SEMA6A: variants seen among roughly 807,000 people sequenced by gnomAD.
SEMA6A encodes the protein semaphorin 6A, also known as semaphorin-6A.
SEMA6A carries 25 observed loss-of-function variants against 96.8 expected under a neutral mutation model. The ratio of observed to expected loss-of-function variants is 0.26; its 90% CI spans 0.19 to 0.36. The LOEUF (loss-of-function observed/expected upper bound fraction) is 0.36. Ranked by LOEUF, SEMA6A falls within the 10% of genes least tolerant of loss-of-function variation. The pLI, the probability that SEMA6A is intolerant of heterozygous loss-of-function variation, is 1.00. For synonymous variants in SEMA6A, 612 were observed against 518.0 expected (o/e 1.18, Z -2.46); for missense variants, 1,363 against 1,323.1 (o/e 1.03, Z -0.47).
intron 1 of SEMA6A, among the ~76,000 whole-genome samples, chr5:116,565,525 T>C: frequency 6.6e-6 from 1 of 152,238 alleles, no homozygotes; most frequent in East Asian, 1.9e-4. Context: ...AGTATTCTTA[T>C]AAAAATCAAC....
At chr5:116,519,665 A>G (rs1357623064) in intron 1 of SEMA6A, among the ~76,000 whole-genome samples, 1 of 64,476 alleles carries the variant, frequency 1.6e-5, no homozygotes, top group Non-Finnish European at 2.9e-5. Context: ...TGCTGTGTGT[A>G]CACACACACA....
intron 9 of SEMA6A, among the ~76,000 whole-genome samples, chr5:116,487,859 G>C (rs974892527): frequency 6.6e-6 from 1 of 151,964 alleles, no homozygotes; most frequent in Non-Finnish European, 1.5e-5. Flanking sequence ...GTAAGACTCC[G>C]TCTCAAAAAG....
intron 3 of SEMA6A, among the ~76,000 whole-genome samples, chr5:116,501,699 C>G (rs754758964): frequency 1.6e-4 from 24 of 152,122 alleles, no homozygotes; most frequent in Admixed American, 2.6e-4. Context: ...ACCAGCCTGA[C>G]CAACATAGTG....
At chr5:116,536,407 A>C (rs1356023515) in intron 1 of SEMA6A, 1 of 152,156 alleles carries the variant, frequency 6.6e-6, no homozygotes, top group African/African-American at 2.4e-5. Context: ...AGAAAGAGAC[A>C]TTGTCCTGGG....
intron 17 of SEMA6A, chr5:116,471,190 G>C (rs968425815): frequency 1.3e-5 from 2 of 152,174 alleles, no homozygotes; most frequent in African/African-American, 4.8e-5. Flanking sequence ...CTCTTCTTTA[G>C]TTGCCTCAAG....
chr5:116,484,410 C>A (rs1756939280), intron 10 of SEMA6A, among the ~76,000 whole-genome samples: 1 of 152,048 alleles, frequency 6.6e-6, no homozygotes, highest in Admixed American at 6.5e-5. Flanking sequence ...TCCGTTCATT[C>A]AACATATGTT....
Position 116,447,422 on chromosome 5 carries a change from G to C in SEMA6A, c.2284C>G (p.Pro762Ala). 6.2e-7 allele frequency: 1 copy of C among 1,614,080 alleles called. No homozygotes were observed. ...GGCTTCCGCTTCTGCTGCAGCGTTG[G>C]GGTTGACTCTGGGGTGGGGAGGGCC... ...LTALPTPESTPTLQQKRKPSR... is the reference protein window; with the variant it reads ...LTALPTPESTATLQQKRKPSR... Residue 762 changes from proline (P) to alanine (A), a missense_variant, in exon 19 of 19, where the codon CCA becomes GCA. Physicochemically the swap from Pro to Ala is conservative, Grantham distance 27 (BLOSUM62 -1). Around this residue, in one of 2 missense-constraint regions of SEMA6A, gnomAD observed 883 missense variants for 763.6 expected, o/e 1.16. Transcript: ENST00000343348.
At chr5:116,535,116 G>A (rs1759651981) in intron 1 of SEMA6A, among the ~76,000 whole-genome samples, 1 of 152,222 alleles carries the variant, frequency 6.6e-6, no homozygotes, top group South Asian at 2.1e-4. Flanking sequence ...CCTGAAGGAA[G>A]GAAGGAGGGC....
intron 16 of SEMA6A, among the ~76,000 whole-genome samples, chr5:116,474,654 C>G (rs1756361516): frequency 6.6e-6 from 1 of 152,140 alleles, no homozygotes; most frequent in Non-Finnish European, 1.5e-5. Context: ...AATTTCAGTA[C>G]TTATGACTGA....
At chr5:116,497,268 C>T in intron 4 of SEMA6A, 59 bp downstream of exon 4, 1 of 1,013,642 alleles carries the variant, frequency 9.9e-7, no homozygotes, top group Non-Finnish European at 1.5e-6. Context: ...AATACATATT[C>T]TGTTCAAGAA....
chr5:116,557,439 C>T (rs145586738), intron 1 of SEMA6A, among the ~76,000 whole-genome samples: 1,694 of 152,318 alleles, frequency 0.011, 13 homozygotes, highest in Non-Finnish European at 0.018. Flanking sequence ...CTCAAACTCC[C>T]GGCCTCAAGC....
chr5:116,483,674 A>T (rs1329211848), intron 10 of SEMA6A, among the ~76,000 whole-genome samples: 1 of 152,250 alleles, frequency 6.6e-6, no homozygotes, highest in Admixed American at 6.5e-5. Flanking sequence ...AATAGGGAGA[A>T]GCTTAAAATG....
chr5:116,485,129 A>C (rs1756991036), intron 10 of SEMA6A, among the ~76,000 whole-genome samples: 1 of 152,222 alleles, frequency 6.6e-6, no homozygotes. Context: ...AGATTACCAA[A>C]CAAATATGAT....
At chr5:116,509,740 G>A (rs1277830006) in intron 1 of SEMA6A, among the ~76,000 whole-genome samples, 5 of 152,080 alleles carry the variant, frequency 3.3e-5, no homozygotes. Flanking sequence ...GGAATAAGGG[G>A]ACCCAGGCTG....
At chr5:116,549,429 G>A (rs1319039017) in intron 1 of SEMA6A, among the ~76,000 whole-genome samples, 1 of 152,124 alleles carries the variant, frequency 6.6e-6, no homozygotes, top group Admixed American at 6.5e-5. Flanking sequence ...GATTTGGAAG[G>A]GGAAACAAGA....
chr5:116,467,898 GT>G, intron 17 of SEMA6A, 151 bp from the exon 18 acceptor site: 2 of 684,360 alleles, frequency 2.9e-6, no homozygotes, highest in Non-Finnish European at 4.9e-6. Flanking sequence ...GGTGGTGGTG[GT>G]GGTGGTGGTG....
chr5:116,522,556 T>C (rs1056518716), intron 1 of SEMA6A, among the ~76,000 whole-genome samples: 7 of 152,182 alleles, frequency 4.6e-5, no homozygotes, highest in Non-Finnish European at 8.8e-5. Context: ...CCCGCCTGCG[T>C]GCCATATGAA....
At position 116,497,741 on chromosome 5, in the gene SEMA6A, A is replaced by G. The variant is rs1757669640; in HGVS notation, c.219-354T>C. ...CACAGATGGATTCGTGTGCCCTTTC[A>G]TTATCTTCAAATACACGTACCAAAT... is the stretch of plus-strand genomic sequence containing the variant. On this transcript the variant is annotated intron_variant, in intron 3 of 18. Transcript: ENST00000343348. Among the ~76,000 whole-genome samples the G allele has an allele frequency of 2.0e-5, 3 of 152,190 alleles. No homozygotes were observed. In the South Asian group the frequency reaches 6.2e-4, roughly 32 times the overall value.
chr5:116,460,522 T>C (rs1755317871), intron 18 of SEMA6A, among the ~76,000 whole-genome samples: 2 of 152,188 alleles, frequency 1.3e-5, no homozygotes, highest in African/African-American at 4.8e-5. Flanking sequence ...TTAAGTACTC[T>C]CAGTTAATTC....
Sources: gnomAD v4.1 joint callset for allele counts (sites outside exome capture counted in the v4.1 genomes callset) on GRCh38, gnomAD v4.1.1 for gene constraint, gnomAD v4.1.1 regional missense constraint, MANE v1.5 for transcripts, NCBI Gene and HGNC (gene_info 2026-07-23, HGNC 2026-07-21) for gene names.